Variants in LRBA observed in about 807,000 individuals in gnomAD.
LRBA encodes lipopolysaccharide-responsive and beige-like anchor protein.
In LRBA, 176 loss-of-function variants were observed where a neutral mutation model predicts 330.0. That is an observed-to-expected ratio of 0.53 (90% confidence interval 0.47 to 0.60). The LOEUF (loss-of-function observed/expected upper bound fraction) is 0.60, where lower values mean the gene tolerates loss of function less well. LRBA is among the 20% of genes least tolerant of loss of function. The probability of loss-of-function intolerance (pLI) is 0.00; values close to 1 mark genes in which losing one functional copy is unlikely to be tolerated. For synonymous variants in LRBA, 1,230 were observed against 1,193.0 expected (o/e 1.03, Z -0.64); for missense variants, 3,259 against 3,444.8 (o/e 0.95, Z 1.35).
intron 44 of LRBA, among the ~76,000 whole-genome samples, chr4:150,449,297 A>C (rs533439303): frequency 6.6e-5 from 10 of 152,224 alleles, no homozygotes; most frequent in Admixed American, 4.6e-4. Context: ...CATGTCCTGC[A>C]CTGATGCAAA....
intron 8 of LRBA, among the ~76,000 whole-genome samples, chr4:150,914,713 T>C (rs903685570): frequency 2.0e-5 from 3 of 152,134 alleles, no homozygotes; most frequent in African/African-American, 7.2e-5. Context: ...TTTATTACAA[T>C]GCCTGGAATA....
chr4:150,635,187 C>G (rs1431057160), intron 37 of LRBA, among the ~76,000 whole-genome samples: 1 of 152,120 alleles, frequency 6.6e-6, no homozygotes, highest in East Asian at 1.9e-4. Context: ...AAATTCTGCT[C>G]CTAGATTCTA....
rs1013861934 is a variant in LRBA, at chr4:150,765,581, T to C, written c.5581-3734A>G. Among the ~76,000 whole-genome samples, 27 of 152,136 alleles carry C rather than the reference T, an allele frequency of 1.8e-4. 1 individual carries two copies. The highest frequency in any genetic ancestry group is 1.3e-3 in the Admixed American group (20 of 15,276). On this transcript the variant is annotated intron_variant, in intron 34 of 56. Coordinates refer to ENST00000651943, the MANE Select transcript of LRBA (RefSeq NM_001364905.1). ...TGTAAAACTGCTCTAAAAAGTAATG[T>C]CTTTTAAAAATTAGTAATAAAAAAG...
chr4:150,869,831 G>C (rs1042989880), intron 20 of LRBA, among the ~76,000 whole-genome samples: 3 of 152,174 alleles, frequency 2.0e-5, no homozygotes, highest in Non-Finnish European at 4.4e-5. Flanking sequence ...GAGGTGGGAA[G>C]ATTGCTTGAG....
In LRBA at chr4:150,583,782, C is replaced by T. The variant is rs1374972528; in HGVS notation, c.6330+4266G>A. 6.2e-7 allele frequency: 1 copy of T among 1,614,180 alleles called. No homozygotes were observed. Among genetic ancestry groups the T allele is most frequent in the South Asian group, 1.1e-5 (1 of 91,082 alleles). On this transcript the variant is annotated intron_variant, in intron 40 of 56. Coordinates refer to ENST00000651943, the MANE Select transcript of LRBA (RefSeq NM_001364905.1). The surrounding 1 kb of genome is among the most constrained non-coding windows in gnomAD (Gnocchi z 9.8). ...TGGGCGGCTGCCGAAACAAGTGCCT[C>T]TCAGTGCTGAAGACTCTGCGGGACC... is the stretch of plus-strand genomic sequence containing the variant.
chr4:150,888,291 T>C (rs1359176631), intron 17 of LRBA, among the ~76,000 whole-genome samples: 2 of 152,218 alleles, frequency 1.3e-5, no homozygotes, highest in African/African-American at 2.4e-5. Flanking sequence ...AAGTTCTTTT[T>C]CAGCAGAAGT....
At chr4:150,939,741 C>A (rs1735463342) in intron 2 of LRBA, among the ~76,000 whole-genome samples, 2 of 152,200 alleles carry the variant, frequency 1.3e-5, no homozygotes, top group Admixed American at 1.3e-4. Context: ...GACCTTCCTA[C>A]AACACCGTAC....
At chr4:150,514,129 A>C (rs1233782772) in intron 40 of LRBA, among the ~76,000 whole-genome samples, 1 of 152,066 alleles carries the variant, frequency 6.6e-6, no homozygotes, top group Non-Finnish European at 1.5e-5. Context: ...CTGGAGTGCA[A>C]TGGCATGATC....
At chr4:150,772,533 T>C (rs1736723922) in intron 34 of LRBA, among the ~76,000 whole-genome samples, 1 of 152,218 alleles carries the variant, frequency 6.6e-6, no homozygotes. Flanking sequence ...CAGTTCATAA[T>C]AAGCAGCTCA....
intron 31 of LRBA, among the ~76,000 whole-genome samples, chr4:150,811,101 A>G (rs1234365758): frequency 2.0e-5 from 3 of 152,218 alleles, no homozygotes; most frequent in African/African-American, 7.2e-5. Context: ...TCAGTAAAGT[A>G]CTTCACAGAC....
chr4:150,502,947 G>A (rs1561271156), intron 40 of LRBA, among the ~76,000 whole-genome samples: 1 of 152,170 alleles, frequency 6.6e-6, no homozygotes, highest in African/African-American at 2.4e-5. Context: ...ACGGAGTCTC[G>A]CTCATTGCTA....
intron 2 of LRBA, among the ~76,000 whole-genome samples, chr4:150,980,450 A>G (rs1344450473): frequency 6.6e-6 from 1 of 152,234 alleles, no homozygotes; most frequent in Non-Finnish European, 1.5e-5. Flanking sequence ...CTGTTATTAA[A>G]CATAGTACTG....
rs367737434 is a variant in LRBA at position 150,570,701 on chromosome 4, T to G, written c.6330+17347A>C. Among the ~76,000 whole-genome samples, 5 of 152,132 alleles carry G rather than the reference T, an allele frequency of 3.3e-5. No individual in the cohort carries two copies. In the East Asian group the frequency reaches 7.7e-4, roughly 23 times the overall value. ...TGTAAGTTGGCTTCTTTTTAAAACT[T>G]TCTCAGCACATGTGATTCTGTGCAG... On this transcript the variant is annotated intron_variant, in intron 40 of 56. Transcript: ENST00000651943.
intron 40 of LRBA, among the ~76,000 whole-genome samples, chr4:150,531,694 C>T (rs1764072386): frequency 6.6e-6 from 1 of 152,142 alleles, no homozygotes; most frequent in African/African-American, 2.4e-5. Flanking sequence ...CAACAACCTC[C>T]ATAAAATTAT....
chr4:150,351,250 T>C (rs569787604), intron 47 of LRBA, among the ~76,000 whole-genome samples: 4 of 152,182 alleles, frequency 2.6e-5, no homozygotes, highest in Non-Finnish European at 5.9e-5. Flanking sequence ...CTAAAGATAT[T>C]TTTTAGGAAA....
intron 40 of LRBA, among the ~76,000 whole-genome samples, chr4:150,554,076 C>T (rs1008607390): frequency 6.6e-6 from 1 of 152,160 alleles, no homozygotes; most frequent in Non-Finnish European, 1.5e-5. Flanking sequence ...GCAGGAGATA[C>T]ATGCAGGACA....
chr4:150,319,701 G>A (rs141755067), intron 50 of LRBA, among the ~76,000 whole-genome samples: 4 of 151,984 alleles, frequency 2.6e-5, no homozygotes, highest in East Asian at 1.9e-4. Flanking sequence ...TATTTGCATC[G>A]TTTCATTTCC....
intron 17 of LRBA, among the ~76,000 whole-genome samples, chr4:150,879,505 A>T (rs1728134009): frequency 6.6e-6 from 1 of 152,190 alleles, no homozygotes; most frequent in Admixed American, 6.5e-5. Context: ...TAGCACTGGA[A>T]GTCCTTGCCA....
At chr4:150,946,010 G>A (rs540053155) in intron 2 of LRBA, among the ~76,000 whole-genome samples, 2 of 152,206 alleles carry the variant, frequency 1.3e-5, no homozygotes, top group South Asian at 4.2e-4. Context: ...GTGTTAGCCA[G>A]GATGGTCTCA....
Sources: gnomAD v4.1 joint callset for allele counts (sites outside exome capture counted in the v4.1 genomes callset) on GRCh38, gnomAD v4.1.1 for gene constraint, Gnocchi (gnomAD v3.1) non-coding constraint, MANE v1.5 for transcripts, NCBI Gene and HGNC (gene_info 2026-07-23, HGNC 2026-07-21) for gene names.